CCDC88C: variants seen among roughly 807,000 people sequenced by gnomAD.
CCDC88C encodes the protein protein Daple.
A neutral mutation model predicts 198.8 loss-of-function variants in CCDC88C; 131 were observed. The ratio of observed to expected loss-of-function variants is 0.66; its 90% CI spans 0.57 to 0.76. The LOEUF is 0.76. Among genes scored for constraint, CCDC88C ranks in the 30% least tolerant of loss-of-function variants. The pLI is 0.00. For missense variants in CCDC88C, 2,553 were observed against 2,631.6 expected, an observed-to-expected ratio of 0.97 and a Z score of 0.65; for synonymous variants, 1,166 against 1,114.7, an observed-to-expected ratio of 1.05 and a Z score of -0.92.
intron 3 of CCDC88C, among the ~76,000 whole-genome samples, chr14:91,380,997 C>T (rs921386671): frequency 1.3e-5 from 2 of 152,232 alleles, no homozygotes; most frequent in Non-Finnish European, 2.9e-5. Context: ...AGTAACTCTT[C>T]TAAGTGCCAA....
chr14:91,303,546 C>CCCACCCATCTCCTCCAGGCT (rs1350250386), intron 20 of CCDC88C, among the ~76,000 whole-genome samples, 155 bp downstream of exon 20: 2 of 141,594 alleles, frequency 1.4e-5, no homozygotes, highest in East Asian at 2.2e-4. Flanking sequence ...TCCCCCAGGT[C>CCCACCCATCTCCTCCAGGCT]CCACCCATCT....
chr14:91,291,557 G>A (rs578048412), intron 23 of CCDC88C, among the ~76,000 whole-genome samples: 78 of 152,146 alleles, frequency 5.1e-4, no homozygotes, highest in African/African-American at 1.8e-3. Context: ...TTCCCACTCA[G>A]AAGCAAACTG....
chr14:91,391,984 C>CT (rs1185131212), intron 3 of CCDC88C, among the ~76,000 whole-genome samples: 1 of 152,038 alleles, frequency 6.6e-6, no homozygotes, highest in Non-Finnish European at 1.5e-5. Context: ...CAGCTACTTT[C>CT]TAAACTCTTT....
rs994571046 is a variant in CCDC88C, at chr14:91,371,473, G to T, written c.271-11762C>A. Among the ~76,000 whole-genome samples, 2 of 152,006 alleles carry T rather than the reference G, an allele frequency of 1.3e-5. No homozygotes were observed. Among genetic ancestry groups the T allele is most frequent in the South Asian group, 2.1e-4 (1 of 4,822 alleles). ...CCAGGCCCAGCCAACCTCACCCGCC[G>T]GTGGCAGGAGTACAGAGGCCGGCGG... On this transcript the variant is annotated intron_variant, in intron 3 of 29. Coordinates refer to ENST00000389857, the MANE Select transcript of CCDC88C (RefSeq NM_001080414.4). The surrounding 1 kb of genome is among the most constrained non-coding windows in gnomAD (Gnocchi z 4.2).
At chr14:91,314,240 C>A in intron 14 of CCDC88C, 90 bp from the exon 15 acceptor site, 8 of 1,050,514 alleles carry the variant, frequency 7.6e-6, no homozygotes, top group Non-Finnish European at 1.1e-5. Flanking sequence ...AGAGAGAAGG[C>A]CTTGAACGGC....
intron 28 of CCDC88C, 103 bp downstream of exon 28, chr14:91,279,135 A>G: frequency 1.1e-6 from 1 of 915,326 alleles, no homozygotes; most frequent in Non-Finnish European, 1.7e-6. Context: ...CCTGGGCTCA[A>G]GCGATCCACC....
intron 10 of CCDC88C, among the ~76,000 whole-genome samples, chr14:91,332,013 A>G (rs1041372314): frequency 6.6e-6 from 1 of 151,950 alleles, no homozygotes; most frequent in African/African-American, 2.4e-5. Flanking sequence ...CTGCCCAGCT[A>G]GGTCTCTGCC....
In CCDC88C at chr14:91,272,995, G is replaced by A. The variant is rs544985217; in HGVS notation, c.5717C>T (p.Pro1906Leu). Residue 1906 changes from proline (P) to leucine (L), a missense_variant, in exon 30 of 30, where the codon CCC (proline) becomes CTC (leucine). Transcript: ENST00000389857. The stretch of plus-strand genomic sequence containing the variant: ...ACCAGCACCTGCAGTGGCAATGGCG[G>A]GGGCTGTGGCAGACTGATGCAGGGG... ...LAPLHQSATA[P>L]AIATAGAGAA... is the part of the protein sequence containing the mutation. The A allele has an allele frequency of 6.4e-7, 1 of 1,553,526 alleles. No individual in the cohort carries two copies. Among genetic ancestry groups the A allele is most frequent in the South Asian group, 1.2e-5 (1 of 85,526 alleles).
At chr14:91,309,735 C>T (rs1289690618) in intron 16 of CCDC88C, 124 bp downstream of exon 16, 13 of 976,362 alleles carry the variant, frequency 1.3e-5, no homozygotes, top group South Asian at 9.6e-5. Flanking sequence ...TTCAAGGAAC[C>T]GCGTGAGGTC....
chr14:91,392,059 T>G (rs1217672879), intron 3 of CCDC88C, among the ~76,000 whole-genome samples: 2 of 152,078 alleles, frequency 1.3e-5, no homozygotes, highest in Admixed American at 1.3e-4. Context: ...CCTGGCTCCA[T>G]TTGGCTGTTC....
At chr14:91,310,108 C>T (rs1230374184) in intron 15 of CCDC88C, 122 bp from the exon 16 acceptor site, 5 of 978,346 alleles carry the variant, frequency 5.1e-6, no homozygotes, top group South Asian at 2.0e-5. Context: ...CCGTGTGGAG[C>T]GAGGGGACTC....
intron 3 of CCDC88C, among the ~76,000 whole-genome samples, chr14:91,372,528 C>CGGGGGG (rs199749681): frequency 4.5e-4 from 11 of 24,524 alleles, no homozygotes; most frequent in African/African-American, 1.1e-3. Flanking sequence ...GGCAGTGGTG[C>CGGGGGG]GGGGGGGGGC....
Position 91,272,860 on chromosome 14 carries a change from G to A in CCDC88C, c.5852C>T (p.Ala1951Val). The A allele has an allele frequency of 6.3e-7, 1 of 1,591,916 alleles. No individual in the cohort carries two copies. The highest frequency in any genetic ancestry group is 8.5e-7 in the Non-Finnish European group (1 of 1,171,160). ...PKAPPRSGEV[A>V]TITPVRAGLS... The stretch of plus-strand genomic sequence containing the variant: ...CCCTGCCCGGACAGGGGTGATGGTG[G>A]CCACCTCCCCTGAGCGTGGGGGCGC... The change falls in exon 30 of 30, where the codon GCC becomes GTC. Residue 1951 changes from alanine (A) to valine (V), a missense_variant. Transcript: ENST00000389857.
chr14:91,388,321 C>T (rs77472666), intron 3 of CCDC88C, among the ~76,000 whole-genome samples: 1,938 of 152,296 alleles, frequency 0.013, 32 homozygotes, highest in African/African-American at 0.036. Flanking sequence ...GCCCACCCCC[C>T]GCTCCACCTC....
Position 91,321,125 on chromosome 14 carries a change from T to C in CCDC88C, c.1522A>G (p.Lys508Glu). 2 of 1,608,912 alleles carry C rather than the reference T, an allele frequency of 1.2e-6. No homozygotes were observed. The highest frequency in any genetic ancestry group is 2.7e-5 in the African/African-American group (2 of 74,860). ...ELEKENHQLS[K>E]KIEKLQTQLE... ...GCCTAAGGAGGCCGAGGTACCTTCTTGCTGAGCTGGTGGTTCTCCTTCTCC... is the reference window on the plus strand; with the variant it reads ...GCCTAAGGAGGCCGAGGTACCTTCTCGCTGAGCTGGTGGTTCTCCTTCTCC... The change falls in exon 13 of 30, where the codon AAG becomes GAG. Residue 508 changes from lysine to glutamate, a missense_variant. Transcript: ENST00000389857.
intron 3 of CCDC88C, among the ~76,000 whole-genome samples, chr14:91,404,003 C>T (rs1443463135): frequency 1.3e-5 from 2 of 152,248 alleles, no homozygotes. Context: ...AAACAAGCAT[C>T]GGAGGACACA....
At chr14:91,295,081 G>A (rs1890943869) in intron 22 of CCDC88C, among the ~76,000 whole-genome samples, 1 of 152,232 alleles carries the variant, frequency 6.6e-6, no homozygotes, top group African/African-American at 2.4e-5. Context: ...TAAGGACTGA[G>A]TAACATAGAG....
chr14:91,297,613 A>C, intron 21 of CCDC88C, 122 bp from the exon 22 acceptor site: 2 of 970,756 alleles, frequency 2.1e-6, no homozygotes, highest in Non-Finnish European at 2.9e-6. Context: ...AGACAAAATC[A>C]CAACCTCTCT....
intron 3 of CCDC88C, among the ~76,000 whole-genome samples, chr14:91,399,577 C>T (rs1231132228): frequency 6.6e-6 from 1 of 152,188 alleles, no homozygotes. Context: ...GTGGCTCACG[C>T]CTGTAATCCC....
Sources: gnomAD v4.1 joint callset for allele counts (sites outside exome capture counted in the v4.1 genomes callset) on GRCh38, gnomAD v4.1.1 for gene constraint, Gnocchi (gnomAD v3.1) non-coding constraint, MANE v1.5 for transcripts, NCBI Gene and HGNC (gene_info 2026-07-23, HGNC 2026-07-21) for gene names.